The following ST18 variants were observed in gnomAD, a reference collection of about 807,000 sequenced individuals.
The protein encoded by ST18 is ST18 C2H2C-type zinc finger transcription factor, also known as suppression of tumorigenicity 18 protein.
A neutral mutation model predicts 110.0 loss-of-function variants in ST18; 50 were observed. The ratio of observed to expected loss-of-function variants is 0.45; its 90% confidence interval spans 0.36 to 0.58. The LOEUF (loss-of-function observed/expected upper bound fraction) is 0.58. Ranked by LOEUF, ST18 falls within the 20% of genes least tolerant of loss-of-function variation. The pLI is 0.00. For missense variants in ST18, 1,306 were observed against 1,280.1 expected, an observed-to-expected ratio of 1.02 and a Z score of -0.31; for synonymous variants, 461 against 452.4, an observed-to-expected ratio of 1.02 and a Z score of -0.24.
chr8:52,254,906 A>C (rs2094475964), intron 2 of ST18, among the ~76,000 whole-genome samples: 1 of 152,104 alleles, frequency 6.6e-6, no homozygotes, highest in Admixed American at 6.6e-5. Flanking sequence ...TAGGCCTTGT[A>C]CCCTCCTGTG....
intron 8 of ST18, among the ~76,000 whole-genome samples, chr8:52,208,415 G>T (rs2080890929): frequency 6.6e-6 from 1 of 152,116 alleles, no homozygotes; most frequent in Non-Finnish European, 1.5e-5. Flanking sequence ...TGCAAGAAAT[G>T]GACAAAAATT....
chr8:52,173,461 G>C (rs16917380), intron 9 of ST18, among the ~76,000 whole-genome samples: 24,233 of 152,136 alleles, frequency 0.16, 4,568 homozygotes, highest in African/African-American at 0.46. Context: ...TGGGGTGGCT[G>C]TTGTCCCAGG....
chr8:52,248,620 C>T (rs1260437429), intron 2 of ST18: 2 of 152,194 alleles, frequency 1.3e-5, no homozygotes, highest in Non-Finnish European at 2.9e-5. Flanking sequence ...AAGGATCCTG[C>T]AATGTTACAC....
chr8:52,230,079 T>G lies in ST18; in HGVS notation c.-464-2A>C, dbSNP rs908992451. 1 of 152,460 alleles carries G rather than the reference T, an allele frequency of 6.6e-6. No individual in the cohort carries two copies. Among genetic ancestry groups the G allele is most frequent in the Admixed American group, 6.5e-5 (1 of 15,272 alleles). 9.4% of individuals were successfully genotyped at this position (152,460 alleles called of 1,614,324 possible). ...TGAACTGGAGAGTTTCCATCACTCC[T>G]GAGGAAAAGCATCGGAGGAGGAAAA... On this transcript the variant is annotated splice_acceptor_variant, in intron 2 of 25. Coordinates refer to ENST00000689386, the MANE Select transcript of ST18 (RefSeq NM_001352837.2). LOFTEE classifies it low-confidence loss of function (5UTR_SPLICE).
intron 15 of ST18, among the ~76,000 whole-genome samples, chr8:52,153,161 T>C (rs2059225957): frequency 6.6e-6 from 1 of 152,232 alleles, no homozygotes; most frequent in Admixed American, 6.5e-5. Context: ...TGTGATGAAG[T>C]AAAAATAAAA....
chr8:52,179,645 G>A (rs189442462), intron 9 of ST18, among the ~76,000 whole-genome samples: 4 of 151,760 alleles, frequency 2.6e-5, no homozygotes, highest in African/African-American at 9.7e-5. Flanking sequence ...AACCATACAT[G>A]TTGATAAAAA....
At chr8:52,182,639 G>A (rs1328442741) in intron 8 of ST18, among the ~76,000 whole-genome samples, 2 of 152,068 alleles carry the variant, frequency 1.3e-5, no homozygotes, top group Non-Finnish European at 2.9e-5. Flanking sequence ...GGATGAGGGA[G>A]GGGGAAATGA....
In ST18 at chr8:52,172,130, A is replaced by G. The variant is rs771358187; in HGVS notation, c.731T>C (p.Ile244Thr). Residue 244 changes from isoleucine to threonine, a missense_variant, in exon 10 of 26, where the codon ATC becomes ACC. By Grantham distance (89) the Ile-to-Thr change is moderately conservative. Coordinates refer to ENST00000689386, the MANE Select transcript of ST18 (RefSeq NM_001352837.2). ...PEIKTEGDKFIPCENRCDSET... is the reference protein window; with the variant it reads ...PEIKTEGDKFTPCENRCDSET... ...AGAATCACACCTGTTCTCACAAGGG[A>G]TAAATTTGTCACCTTCAGTTTTTAT... 6.8e-6 allele frequency: 11 copies of G among 1,614,062 alleles called. No individual in the cohort carries two copies. The highest frequency in any genetic ancestry group is 1.7e-6 in the Non-Finnish European group (2 of 1,180,034).
chr8:52,388,972 T>TAAA (rs1564637431), intron 2 of ST18, among the ~76,000 whole-genome samples: 632 of 32,516 alleles, frequency 0.019, 2 homozygotes, highest in African/African-American at 0.023. Flanking sequence ...TAATAATAAT[T>TAAA]TAAAAAAAAA....
chr8:52,306,781 A>G (rs1429069121), intron 2 of ST18, among the ~76,000 whole-genome samples: 1 of 152,192 alleles, frequency 6.6e-6, no homozygotes, highest in African/African-American at 2.4e-5. Flanking sequence ...TTGATATAAT[A>G]TAGATGAAAG....
At chr8:52,284,275 C>A (rs1304873201) in intron 2 of ST18, among the ~76,000 whole-genome samples, 1 of 152,096 alleles carries the variant, frequency 6.6e-6, no homozygotes, top group Non-Finnish European at 1.5e-5. Flanking sequence ...AAAGGGATTT[C>A]TTAAAGTGAG....
intron 23 of ST18, among the ~76,000 whole-genome samples, chr8:52,125,466 T>G (rs1180256133): frequency 6.6e-6 from 1 of 152,016 alleles, no homozygotes; most frequent in East Asian, 1.9e-4. Context: ...GGACACAACT[T>G]CCACTAGTGT....
chr8:52,246,367 C>G (rs1202531111), intron 2 of ST18, among the ~76,000 whole-genome samples: 1 of 151,984 alleles, frequency 6.6e-6, no homozygotes, highest in Non-Finnish European at 1.5e-5. Flanking sequence ...AAGAAAACTG[C>G]ATAATCTTAA....
In ST18 at chr8:52,164,081, A is replaced by G. The variant is rs548149313; in HGVS notation, c.1305T>C (p.Gly435=). Reference sequence around the variant, plus strand: ...ATTTTTCAGCTGCAGCAATTGGACAACCAGAAAGACTGTTTAAAAAAAGAA... The same window carrying G: ...ATTTTTCAGCTGCAGCAATTGGACAGCCAGAAAGACTGTTTAAAAAAAGAA... ...SNRNTHRSLS[G]CPIAAAEKLA... The change falls in exon 13 of 26, where the codon GGT becomes GGC. Residue 435 remains glycine, a synonymous_variant. Coordinates refer to ENST00000689386, the MANE Select transcript of ST18 (RefSeq NM_001352837.2). 8.7e-6 allele frequency: 14 copies of G among 1,613,910 alleles called. No homozygotes were observed. In the African/African-American group the frequency reaches 1.3e-4, roughly 15 times the overall value.
At chr8:52,302,776 A>G (rs764536622) in intron 2 of ST18, among the ~76,000 whole-genome samples, 3 of 152,238 alleles carry the variant, frequency 2.0e-5, no homozygotes, top group Non-Finnish European at 4.4e-5. Flanking sequence ...CTTGAATAAT[A>G]AATCTATACA....
chr8:52,357,707 AT>A (rs1564568459), intron 2 of ST18, among the ~76,000 whole-genome samples: 11 of 86,466 alleles, frequency 1.3e-4, no homozygotes, highest in South Asian at 7.3e-4. Flanking sequence ...ATATATATAT[AT>A]ATATATATAT....
At chr8:52,305,199 A>C (rs916162022) in intron 2 of ST18, among the ~76,000 whole-genome samples, 10 of 152,204 alleles carry the variant, frequency 6.6e-5, no homozygotes, top group African/African-American at 2.4e-4. Flanking sequence ...TGGATAGAAA[A>C]TGGTTTATAC....
chr8:52,378,324 C>T (rs1833186240), intron 2 of ST18, among the ~76,000 whole-genome samples: 1 of 152,098 alleles, frequency 6.6e-6, no homozygotes, highest in African/African-American at 2.4e-5. Flanking sequence ...TTGACCATTA[C>T]CTCTATGTCT....
At chr8:52,310,432 C>T (rs1415064322) in intron 2 of ST18, among the ~76,000 whole-genome samples, 1 of 152,044 alleles carries the variant, frequency 6.6e-6, no homozygotes, top group East Asian at 1.9e-4. Flanking sequence ...TCAATATTTC[C>T]ACTATAAGCC....
Sources: allele counts gnomAD v4.1 joint callset (sites outside exome capture counted in the v4.1 genomes callset), GRCh38; gene constraint gnomAD v4.1.1; transcripts MANE v1.5; gene names NCBI Gene and HGNC (gene_info 2026-07-23, HGNC 2026-07-21).